SGCZ: variants seen among roughly 807,000 people sequenced by gnomAD.
The protein encoded by SGCZ is zeta-sarcoglycan.
SGCZ carries 40 observed loss-of-function variants against 41.3 expected under a neutral mutation model. That is an observed-to-expected ratio of 0.97 (90% CI 0.75 to 1.26). The LOEUF (loss-of-function observed/expected upper bound fraction) is 1.26, where lower values mean the gene tolerates loss of function less well. Among genes scored for constraint, SGCZ ranks in the 50% most tolerant of loss-of-function variants. The pLI, the probability that SGCZ is intolerant of heterozygous loss-of-function variation, is 0.00. For synonymous variants in SGCZ, 206 were observed against 137.5 expected (o/e 1.50, Z -3.49); for missense variants, 552 against 369.8 (o/e 1.49, Z -4.04).
chr8:14,514,457 A>G lies in SGCZ; in HGVS notation c.234+40275T>C, dbSNP rs190559102. Among the ~76,000 whole-genome samples the G allele has an allele frequency of 2.3e-3, 355 of 152,054 alleles. 3 individuals are homozygous for G. The highest frequency in any genetic ancestry group is 8.0e-3 in the African/African-American group (333 of 41,550). ...AGAATTAGTGTAAAACTCAAATGAG[A>G]AGAATATGTATACATTAAGGAATAT... is the stretch of plus-strand genomic sequence containing the variant. On this transcript the variant is annotated intron_variant, in intron 2 of 7. Coordinates refer to ENST00000382080, the MANE Select transcript of SGCZ (RefSeq NM_139167.4).
At chr8:14,207,790 C>T (rs1048427997) in intron 4 of SGCZ, among the ~76,000 whole-genome samples, 3 of 152,126 alleles carry the variant, frequency 2.0e-5, no homozygotes, top group Non-Finnish European at 1.5e-5. Context: ...AGATTATAAA[C>T]TCATGAAGGG....
chr8:14,796,904 G>T (rs1290428037), intron 1 of SGCZ, among the ~76,000 whole-genome samples: 1 of 152,168 alleles, frequency 6.6e-6, no homozygotes, highest in Non-Finnish European at 1.5e-5. Context: ...CCTTCACTCA[G>T]CTATCAGTCT....
intron 2 of SGCZ, among the ~76,000 whole-genome samples, chr8:14,366,392 A>T (rs950824546): frequency 6.6e-6 from 1 of 152,038 alleles, no homozygotes; most frequent in Non-Finnish European, 1.5e-5. Context: ...GTAAGAATTC[A>T]CTCCCTATCA....
intron 1 of SGCZ, among the ~76,000 whole-genome samples, chr8:15,076,644 C>A (rs1439145208): frequency 6.6e-6 from 1 of 152,070 alleles, no homozygotes; most frequent in African/African-American, 2.4e-5. Flanking sequence ...TCACCACCAC[C>A]AATCCCAAAC....
chr8:14,493,359 C>CTTTTGTTTTTTTTTTTTTTTTTTTT, intron 2 of SGCZ, among the ~76,000 whole-genome samples: 1 of 44,278 alleles, frequency 2.3e-5, no homozygotes, highest in Admixed American at 3.8e-4. Flanking sequence ...ATCATCCTTT[C>CTTTTGTTTTTTTTTTTTTTTTTTTT]TTTTTTTTTT....
chr8:14,219,336 C>A (rs1270118565), intron 4 of SGCZ, among the ~76,000 whole-genome samples: 1 of 152,128 alleles, frequency 6.6e-6, no homozygotes, highest in Non-Finnish European at 1.5e-5. Flanking sequence ...GAAGTATGCT[C>A]AACAAGTTGA....
chr8:14,485,387 C>T (rs955964211), intron 2 of SGCZ, among the ~76,000 whole-genome samples: 2 of 152,106 alleles, frequency 1.3e-5, no homozygotes, highest in African/African-American at 4.8e-5. Flanking sequence ...CAGGCGTGCG[C>T]CACTATGCCA....
At chr8:15,020,609 T>A (rs1044247308) in intron 1 of SGCZ, among the ~76,000 whole-genome samples, 26 of 152,188 alleles carry the variant, frequency 1.7e-4, no homozygotes, top group African/African-American at 6.0e-4. Flanking sequence ...ACAATTCTAT[T>A]ATAGTGCAGG....
At chr8:14,151,435 C>A (rs1803706126) in intron 5 of SGCZ, among the ~76,000 whole-genome samples, 1 of 144,706 alleles carries the variant, frequency 6.9e-6, no homozygotes, top group African/African-American at 2.6e-5. Context: ...TGAAAGATAC[C>A]AAAAAAAAAC....
At chr8:14,532,228 T>C (rs1031269211) in intron 2 of SGCZ, among the ~76,000 whole-genome samples, 2 of 146,242 alleles carry the variant, frequency 1.4e-5, no homozygotes, top group Non-Finnish European at 3.1e-5. Flanking sequence ...AAGAAATTAA[T>C]TTGAGCCCCA....
At chr8:15,209,189 T>G (rs6988637) in intron 1 of SGCZ, among the ~76,000 whole-genome samples, 118,742 of 151,882 alleles carry the variant, frequency 0.78, 46,880 homozygotes, top group Non-Finnish European at 0.83. Context: ...ATGATTATAG[T>G]ATGAATTTGT....
chr8:14,620,643 C>A (rs1806254303), intron 1 of SGCZ, among the ~76,000 whole-genome samples: 1 of 152,206 alleles, frequency 6.6e-6, no homozygotes, highest in Non-Finnish European at 1.5e-5. Flanking sequence ...CGAACAGACA[C>A]TTCTCAAAAG....
intron 3 of SGCZ, chr8:14,319,320 G>C (rs1236547468): frequency 6.6e-6 from 1 of 151,948 alleles, no homozygotes; most frequent in Non-Finnish European, 1.5e-5. Flanking sequence ...TCAGTGCTTG[G>C]ACTTAATAGT....
chr8:14,192,960 T>A (rs1386114382), intron 4 of SGCZ, among the ~76,000 whole-genome samples: 2 of 152,038 alleles, frequency 1.3e-5, no homozygotes, highest in Non-Finnish European at 2.9e-5. Flanking sequence ...TTAAATCTTT[T>A]TAAAGTTGCC....
chr8:14,857,334 G>A (rs950052730), intron 1 of SGCZ, among the ~76,000 whole-genome samples: 33 of 151,962 alleles, frequency 2.2e-4, no homozygotes, highest in Non-Finnish European at 2.9e-5. Context: ...TTATAGCAGT[G>A]AAAAAACGAA....
At chr8:14,304,493 C>G (rs1233311618) in intron 3 of SGCZ, among the ~76,000 whole-genome samples, 2 of 152,026 alleles carry the variant, frequency 1.3e-5, no homozygotes, top group African/African-American at 4.8e-5. Context: ...ACTTAGGAGG[C>G]TGAGGTTGGA....
chr8:14,419,403 A>G (rs371646249), intron 2 of SGCZ, among the ~76,000 whole-genome samples: 2 of 151,928 alleles, frequency 1.3e-5, no homozygotes, highest in South Asian at 4.1e-4. Flanking sequence ...CAACCTATGT[A>G]TCAATTATTT....
intron 3 of SGCZ, among the ~76,000 whole-genome samples, chr8:14,261,233 G>A (rs1395738309): frequency 6.6e-6 from 1 of 152,104 alleles, no homozygotes; most frequent in Non-Finnish European, 1.5e-5. Context: ...AGACATCTGA[G>A]CTGCTACTCA....
At chr8:15,231,769 A>G (rs1323057795) in intron 1 of SGCZ, among the ~76,000 whole-genome samples, 2 of 151,948 alleles carry the variant, frequency 1.3e-5, no homozygotes, top group East Asian at 3.9e-4. Context: ...GTACAGAAGC[A>G]CACCACCACA....
Sources: allele counts gnomAD v4.1 joint callset (sites outside exome capture counted in the v4.1 genomes callset), GRCh38; gene constraint gnomAD v4.1.1; transcripts MANE v1.5; gene names NCBI Gene and HGNC (gene_info 2026-07-23, HGNC 2026-07-21).